CNGB3: variants seen among roughly 807,000 people sequenced by gnomAD.
CNGB3 encodes the protein cyclic nucleotide gated channel subunit beta 3, also known as cyclic nucleotide-gated channel beta-3.
A neutral mutation model predicts 92.8 loss-of-function variants in CNGB3; 86 were observed. That is an observed-to-expected ratio of 0.93 (90% CI 0.78 to 1.11). The LOEUF is 1.11. CNGB3 is among the 50% of genes least tolerant of loss of function. CNGB3 has a pLI of 0.00. For synonymous variants in CNGB3, 333 were observed against 332.7 expected, an observed-to-expected ratio of 1.00 and a Z score of -0.01; for missense variants, 1,026 against 956.8, an observed-to-expected ratio of 1.07 and a Z score of -0.95.
chr8:86,592,120 C>A (rs535481812), intron 15 of CNGB3, among the ~76,000 whole-genome samples: 3 of 152,226 alleles, frequency 2.0e-5, no homozygotes, highest in Non-Finnish European at 4.4e-5. Context: ...CCGTCCGTCA[C>A]CCCTTTCTTT....
intron 13 of CNGB3, among the ~76,000 whole-genome samples, chr8:86,622,605 A>G (rs1287844371): frequency 6.6e-6 from 1 of 152,130 alleles, no homozygotes; most frequent in Non-Finnish European, 1.5e-5. Flanking sequence ...CCACCATTAC[A>G]GAATAATTTA....
Position 86,576,032 on chromosome 8 carries a change from TC to T in CNGB3, c.2201del (p.Gly734GlufsTer95). 4 of 1,608,870 alleles carry T rather than the reference TC, an allele frequency of 2.5e-6. No homozygotes were observed. The highest frequency in any genetic ancestry group is 3.4e-6 in the Non-Finnish European group (4 of 1,177,240). On this transcript the variant is annotated frameshift_variant, in exon 18 of 18. Transcript: ENST00000320005. LOFTEE classifies it low-confidence loss of function (END_TRUNC). ...EDKQKENEDK[G>X]KENEDKDKGR... ...CTTTATCTTTATCTTCATTTTCTTT[TC>T]CTTTATCTTCATTTTCTTTTTGTTT...
intron 11 of CNGB3, among the ~76,000 whole-genome samples, chr8:86,632,090 T>C (rs910233944): frequency 3.3e-5 from 5 of 151,388 alleles, no homozygotes; most frequent in Non-Finnish European, 5.9e-5. Context: ...TTGCAGCTAC[T>C]TGGGGGGCTG....
intron 17 of CNGB3, among the ~76,000 whole-genome samples, chr8:86,577,657 T>G (rs981415779): frequency 6.6e-6 from 1 of 152,212 alleles, no homozygotes; most frequent in African/African-American, 2.4e-5. Flanking sequence ...ATCAATTGAT[T>G]AATTTGAGGT....
At chr8:86,690,579 A>T (rs997816470) in intron 3 of CNGB3, among the ~76,000 whole-genome samples, 12 of 152,124 alleles carry the variant, frequency 7.9e-5, no homozygotes, top group African/African-American at 2.9e-4. Flanking sequence ...CCCATTTGTC[A>T]ATTTTGGCTT....
rs375510144 is a variant in CNGB3 at position 86,693,699 on chromosome 8, C to T, written c.339-22601G>A. Among the ~76,000 whole-genome samples the T allele has an allele frequency of 1.6e-3, 239 of 151,382 alleles. 1 individual carries two copies. The highest frequency in any genetic ancestry group is 5.6e-3 in the African/African-American group (232 of 41,282). ...CTGTTTAACAAAGCACATCTTGCGC[C>T]GCCCTTAATCCATTTAACCCTGAGT... On this transcript the variant is annotated intron_variant, in intron 3 of 17. Transcript: ENST00000320005.
At chr8:86,657,784 T>C (rs548703172) in intron 6 of CNGB3, 135 of 492,900 alleles carry the variant, frequency 2.7e-4, no homozygotes, top group African/African-American at 2.4e-3. Flanking sequence ...ATCTCCTCCT[T>C]GTCCTGGGCC....
chr8:86,620,690 A>T (rs1822707976), intron 13 of CNGB3, among the ~76,000 whole-genome samples: 1 of 152,124 alleles, frequency 6.6e-6, no homozygotes. Context: ...CTGGGTGCAT[A>T]GGTGGCTTTC....
chr8:86,595,196 A>G (rs778309597), intron 15 of CNGB3, among the ~76,000 whole-genome samples: 22 of 152,238 alleles, frequency 1.4e-4, no homozygotes, highest in Non-Finnish European at 1.9e-4. Context: ...AGTGATGCCA[A>G]TGAAGTTACT....
chr8:86,633,216 C>T (rs1822996504), intron 10 of CNGB3, among the ~76,000 whole-genome samples: 1 of 152,140 alleles, frequency 6.6e-6, no homozygotes, highest in Non-Finnish European at 1.5e-5. Context: ...ATTTATGTTC[C>T]ATGATGACCG....
intron 15 of CNGB3, among the ~76,000 whole-genome samples, chr8:86,595,353 C>T (rs1255956680): frequency 1.3e-5 from 2 of 152,148 alleles, no homozygotes; most frequent in African/African-American, 4.8e-5. Context: ...GGCAAAAAGC[C>T]TTGATTTAGC....
intron 2 of CNGB3, among the ~76,000 whole-genome samples, chr8:86,738,935 A>G (rs1048549220): frequency 1.3e-5 from 2 of 152,140 alleles, no homozygotes; most frequent in African/African-American, 4.8e-5. Context: ...TTAAAGGAAT[A>G]AAACCTGAGT....
At chr8:86,601,589 T>C (rs940165515) in intron 15 of CNGB3, among the ~76,000 whole-genome samples, 7 of 152,198 alleles carry the variant, frequency 4.6e-5, no homozygotes, top group Non-Finnish European at 7.4e-5. Flanking sequence ...TAGCTCATTT[T>C]AACAAAGGTC....
intron 3 of CNGB3, among the ~76,000 whole-genome samples, chr8:86,696,980 C>A (rs1563758600): frequency 6.6e-6 from 1 of 151,788 alleles, no homozygotes; most frequent in Non-Finnish European, 1.5e-5. Context: ...GCAACAGATG[C>A]AAAAAAATGA....
intron 8 of CNGB3, among the ~76,000 whole-genome samples, chr8:86,646,435 G>A (rs1823293234): frequency 6.6e-6 from 1 of 151,188 alleles, no homozygotes; most frequent in Non-Finnish European, 1.5e-5. Flanking sequence ...TTAGATAAAT[G>A]TGATAGAGTT....
chr8:86,601,835 T>C (rs936623784), intron 15 of CNGB3, among the ~76,000 whole-genome samples: 1 of 152,230 alleles, frequency 6.6e-6, no homozygotes, highest in African/African-American at 2.4e-5. Flanking sequence ...ACCAAACTAC[T>C]GAGCAAGTTT....
chr8:86,710,248 A>G (rs1824725843), intron 3 of CNGB3, among the ~76,000 whole-genome samples: 1 of 152,208 alleles, frequency 6.6e-6, no homozygotes, highest in African/African-American at 2.4e-5. Context: ...CTGTAAATCA[A>G]TGTACTACTT....
intron 8 of CNGB3, among the ~76,000 whole-genome samples, chr8:86,645,537 G>A (rs1375969991): frequency 1.3e-5 from 2 of 151,284 alleles, no homozygotes; most frequent in Non-Finnish European, 3.0e-5. Flanking sequence ...TATATTTAAT[G>A]TGCTTCAAAT....
intron 1 of CNGB3, among the ~76,000 whole-genome samples, chr8:86,742,781 G>A (rs1304618887): frequency 6.6e-6 from 1 of 152,068 alleles, no homozygotes; most frequent in Non-Finnish European, 1.5e-5. Flanking sequence ...CACTTGTAAA[G>A]TACCTACCAT....
Sources: allele counts gnomAD v4.1 joint callset (sites outside exome capture counted in the v4.1 genomes callset), GRCh38; gene constraint gnomAD v4.1.1; transcripts MANE v1.5; gene names NCBI Gene and HGNC (gene_info 2026-07-23, HGNC 2026-07-21).